Variants in PXDN observed in about 807,000 individuals in gnomAD.
The protein encoded by PXDN is peroxidasin.
PXDN carries 77 observed loss-of-function variants against 140.3 expected under a neutral mutation model. The observed-to-expected ratio is 0.55, with a 90% CI of 0.46 to 0.66. The LOEUF (loss-of-function observed/expected upper bound fraction) is 0.66, where lower values mean the gene tolerates loss of function less well. Ranked by LOEUF, PXDN falls within the 30% of genes least tolerant of loss-of-function variation. The pLI, the probability that PXDN is intolerant of heterozygous loss-of-function variation, is 0.00. For synonymous variants in PXDN, 911 were observed against 857.4 expected, an observed-to-expected ratio of 1.06 and a Z score of -1.09; for missense variants, 1,838 against 2,039.5, an observed-to-expected ratio of 0.90 and a Z score of 1.90.
At chr2:1,713,376 A>C (rs910604820) in intron 1 of PXDN, among the ~76,000 whole-genome samples, 3 of 152,224 alleles carry the variant, frequency 2.0e-5, no homozygotes, top group Non-Finnish European at 2.9e-5. Flanking sequence ...CTGCGAAAAG[A>C]AGCAGGTGGA....
At chr2:1,732,635 C>G (rs886324028) in intron 1 of PXDN, among the ~76,000 whole-genome samples, 1 of 152,242 alleles carries the variant, frequency 6.6e-6, no homozygotes, top group Non-Finnish European at 1.5e-5. Flanking sequence ...AAGAACCAAA[C>G]TGTTTCCATA....
intron 8 of PXDN, 106 bp from the exon 9 acceptor site, chr2:1,673,918 C>T (rs943546157): frequency 4.1e-5 from 50 of 1,234,522 alleles, no homozygotes; most frequent in Non-Finnish European, 5.2e-5. Flanking sequence ...ACAACTTGTG[C>T]GAGGAACAGC....
At chr2:1,712,636 G>A (rs557986971) in intron 1 of PXDN, among the ~76,000 whole-genome samples, 11 of 152,346 alleles carry the variant, frequency 7.2e-5, no homozygotes, top group South Asian at 6.2e-4. Flanking sequence ...CACACATGGC[G>A]GCCTTGTGGT....
At chr2:1,723,599 T>C (rs1221987682) in intron 1 of PXDN, among the ~76,000 whole-genome samples, 1 of 152,000 alleles carries the variant, frequency 6.6e-6, no homozygotes, top group African/African-American at 2.4e-5. Flanking sequence ...GATTAATGGA[T>C]GGATAAATGG....
intron 1 of PXDN, among the ~76,000 whole-genome samples, chr2:1,718,263 C>T (rs1341207970): frequency 1.3e-5 from 2 of 151,824 alleles, no homozygotes; most frequent in African/African-American, 4.9e-5. Context: ...ACTCTACTCA[C>T]CTATTCCACT....
intron 19 of PXDN, among the ~76,000 whole-genome samples, chr2:1,643,160 G>A (rs924129763): frequency 5.3e-5 from 8 of 152,162 alleles, no homozygotes; most frequent in Non-Finnish European, 1.2e-4. Context: ...CCACAGCACT[G>A]CCAATTCCTC....
At chr2:1,661,946 C>G (rs897123907) in intron 13 of PXDN, 126 bp downstream of exon 13, 2 of 788,806 alleles carry the variant, frequency 2.5e-6, no homozygotes, top group Admixed American at 4.5e-5. Flanking sequence ...TCATACCCCA[C>G]AGCAGAGGGG....
Position 1,645,685 on chromosome 2 carries a change from G to T in PXDN, c.3609-933C>A, listed in dbSNP as rs532027255. On this transcript the variant is annotated intron_variant, in intron 17 of 22. Transcript: ENST00000252804. The stretch of plus-strand genomic sequence containing the variant: ...TTCTTCTAAGTTCAATGACATTCAG[G>T]TTGAACTTCTAGCTCTAAGATGTCC... Among the ~76,000 whole-genome samples the T allele has an allele frequency of 3.3e-5, 5 of 152,298 alleles. No homozygotes were observed. The South Asian group carries it at 8.3e-4, about 25-fold the overall frequency.
At chr2:1,682,972 T>C (rs1244332331) in intron 6 of PXDN, among the ~76,000 whole-genome samples, 1 of 152,184 alleles carries the variant, frequency 6.6e-6, no homozygotes, top group Non-Finnish European at 1.5e-5. Flanking sequence ...CTCCTTAGTA[T>C]GCTGTAGAAA....
At chr2:1,673,898 T>C in intron 8 of PXDN, 86 bp from the exon 9 acceptor site, 1 of 1,443,732 alleles carries the variant, frequency 6.9e-7, no homozygotes, top group Non-Finnish European at 9.6e-7. Context: ...TTTCCAGCCC[T>C]GCAGCAGGCA....
chr2:1,664,928 G>T (rs775343214), intron 11 of PXDN, 30 bp downstream of exon 11: 3 of 1,519,356 alleles, frequency 2.0e-6, no homozygotes, highest in Non-Finnish European at 1.8e-6. Flanking sequence ...GCCGCGGAGG[G>T]AGCAGGCAAA....
intron 1 of PXDN, among the ~76,000 whole-genome samples, chr2:1,713,890 G>C (rs534339188): frequency 1.3e-5 from 2 of 152,200 alleles, no homozygotes; most frequent in Non-Finnish European, 2.9e-5. Context: ...CATGAGAAGA[G>C]AACTTAAGAG....
Position 1,709,447 on chromosome 2 carries a change from A to ACAGCGGGGCTGGGGTG in PXDN, c.201-16329_201-16314dup, listed in dbSNP as rs56191708. ...GAGGAAAGGACCTCTAACGGAAGCCACAGCGGGGCTGGGGTGCAGCGGGGC... is the reference window on the plus strand; with the variant it reads ...GAGGAAAGGACCTCTAACGGAAGCCACAGCGGGGCTGGGGTGCAGCGGGGCTGGGGTGCAGCGGGGC... On this transcript the variant is annotated intron_variant, in intron 1 of 22. Coordinates refer to ENST00000252804, the MANE Select transcript of PXDN (RefSeq NM_012293.3). Among the ~76,000 whole-genome samples the ACAGCGGGGCTGGGGTG allele has an allele frequency of 5.9e-4, 90 of 152,196 alleles. No individual in the cohort carries two copies. The East Asian group carries it at 0.011, about 19-fold the overall frequency.
At position 1,702,990 on chromosome 2, in the gene PXDN, G is replaced by A. The variant is rs1210133480; in HGVS notation, c.201-9856C>T. On this transcript the variant is annotated intron_variant, in intron 1 of 22. Coordinates refer to ENST00000252804, the MANE Select transcript of PXDN (RefSeq NM_012293.3). ...AAAGGCGGGACAACTCCAGGTGAAG[G>A]GGGGGACAACTCCAGGTGAAGGGGG... is the stretch of plus-strand genomic sequence containing the variant. Among the ~76,000 whole-genome samples, 291 of 112,040 alleles carry A rather than the reference G, an allele frequency of 2.6e-3. 12 individuals carry two copies. The highest frequency in any genetic ancestry group is 0.011 in the African/African-American group (266 of 24,728). The allele number at this position is 112,040 out of a possible 152,430, so 73.5% of individuals were successfully genotyped here.
chr2:1,638,526 C>A (rs187459772), intron 21 of PXDN, among the ~76,000 whole-genome samples: 171 of 152,296 alleles, frequency 1.1e-3, no homozygotes, highest in African/African-American at 3.9e-3. Context: ...AAGAACAGGA[C>A]TTCATGTCTG....
chr2:1,708,945 C>A (rs1684685254), intron 1 of PXDN, among the ~76,000 whole-genome samples: 1 of 152,178 alleles, frequency 6.6e-6, no homozygotes. Context: ...AAAACACAGT[C>A]CTGCAGCGCC....
chr2:1,723,887 T>A (rs1685112750), intron 1 of PXDN, among the ~76,000 whole-genome samples: 3 of 152,238 alleles, frequency 2.0e-5, no homozygotes, highest in Non-Finnish European at 4.4e-5. Flanking sequence ...TAAGTTACAA[T>A]CATGAGTAAC....
intron 13 of PXDN, 53 bp from the exon 14 acceptor site, chr2:1,661,090 G>C: frequency 6.2e-7 from 1 of 1,602,356 alleles, no homozygotes; most frequent in Non-Finnish European, 8.5e-7. Flanking sequence ...AGAAGCAGAA[G>C]TTATCTGACC....
At chr2:1,644,491 C>T in intron 18 of PXDN, 127 bp downstream of exon 18, 1 of 1,124,804 alleles carries the variant, frequency 8.9e-7, no homozygotes, top group South Asian at 3.5e-5. Context: ...TCATTCTCAA[C>T]CGGGGACACA....
Sources: gnomAD v4.1 joint callset for allele counts (sites outside exome capture counted in the v4.1 genomes callset) on GRCh38, gnomAD v4.1.1 for gene constraint, MANE v1.5 for transcripts, NCBI Gene and HGNC (gene_info 2026-07-23, HGNC 2026-07-21) for gene names.